EYA2: variants seen among roughly 807,000 people sequenced by gnomAD.
EYA2 encodes EYA transcriptional coactivator and phosphatase 2.
EYA2 carries 31 observed loss-of-function variants against 69.2 expected under a neutral mutation model. That is an observed-to-expected ratio of 0.45 (90% CI 0.34 to 0.60). The LOEUF (loss-of-function observed/expected upper bound fraction) is 0.60. EYA2 is among the 20% of genes least tolerant of loss of function. The pLI, the probability that EYA2 is intolerant of heterozygous loss-of-function variation, is 0.02. For missense variants in EYA2, 622 were observed against 701.2 expected (o/e 0.89, Z 1.28); for synonymous variants, 257 against 279.4 (o/e 0.92, Z 0.80).
At chr20:46,952,634 G>T (rs113122372) in intron 1 of EYA2, among the ~76,000 whole-genome samples, 6 of 152,118 alleles carry the variant, frequency 3.9e-5, no homozygotes, top group Non-Finnish European at 8.8e-5. Flanking sequence ...TCCAGAGGCC[G>T]CACACAATGG....
rs146937074 is a variant in EYA2, at chr20:47,030,842, G to T, written c.415+14545G>T. ...GTGCAATCGTAGTCACTATAACCTC[G>T]AATGCCTGGACTCAAGCGATCCTCT... On this transcript the variant is annotated intron_variant, in intron 5 of 15. Coordinates refer to ENST00000327619, the MANE Select transcript of EYA2 (RefSeq NM_005244.5). Among the ~76,000 whole-genome samples the T allele has an allele frequency of 3.3e-4, 50 of 152,254 alleles. No individual in the cohort carries two copies. The East Asian group carries it at 9.1e-3, about 28-fold the overall frequency.
chr20:46,935,881 G>A (rs1985887364), intron 1 of EYA2, among the ~76,000 whole-genome samples: 1 of 151,796 alleles, frequency 6.6e-6, no homozygotes, highest in African/African-American at 2.4e-5. Flanking sequence ...TTATTATTCG[G>A]TAGTAGTAGT....
chr20:46,978,510 G>C (rs369323703), intron 1 of EYA2: 6 of 524,908 alleles, frequency 1.1e-5, no homozygotes, highest in African/African-American at 5.8e-5. Context: ...AGTGTGGAGC[G>C]AGAGAAAGGC....
intron 3 of EYA2, among the ~76,000 whole-genome samples, chr20:47,002,825 G>C (rs1407915634): frequency 1.3e-5 from 2 of 151,704 alleles, no homozygotes; most frequent in Non-Finnish European, 2.9e-5. Context: ...TCCAGGACTG[G>C]GGCTGACATC....
At chr20:47,068,688 A>G (rs1262151257) in intron 5 of EYA2, among the ~76,000 whole-genome samples, 1 of 152,150 alleles carries the variant, frequency 6.6e-6, no homozygotes, top group African/African-American at 2.4e-5. Flanking sequence ...TTGAGATCCT[A>G]TGGTTCTGAT....
At chr20:46,915,556 C>G (rs1188397118) in intron 1 of EYA2, among the ~76,000 whole-genome samples, 4 of 152,194 alleles carry the variant, frequency 2.6e-5, no homozygotes, top group Non-Finnish European at 5.9e-5. Context: ...TGATTCCAGG[C>G]CCACTTTCTT....
At chr20:46,915,407 G>A (rs1460247768) in intron 1 of EYA2, among the ~76,000 whole-genome samples, 1 of 152,186 alleles carries the variant, frequency 6.6e-6, no homozygotes, top group African/African-American at 2.4e-5. Flanking sequence ...TTTTCAGAGA[G>A]GCCTGGGTGG....
At chr20:47,049,175 A>G (rs2030194531) in intron 5 of EYA2, among the ~76,000 whole-genome samples, 1 of 98,114 alleles carries the variant, frequency 1.0e-5, no homozygotes, top group East Asian at 3.0e-4. Flanking sequence ...ACTTACAGAA[A>G]AGTTGCAAAG....
chr20:46,920,487 G>A (rs1985132296), intron 1 of EYA2, among the ~76,000 whole-genome samples: 1 of 152,062 alleles, frequency 6.6e-6, no homozygotes, highest in African/African-American at 2.4e-5. Flanking sequence ...AATCAAAATG[G>A]CAGCCTCCTT....
chr20:47,054,469 A>G (rs1204520759), intron 5 of EYA2, among the ~76,000 whole-genome samples: 2 of 152,196 alleles, frequency 1.3e-5, no homozygotes, highest in East Asian at 3.8e-4. Flanking sequence ...TCAGCACTGA[A>G]TGTCTACCCT....
intron 1 of EYA2, among the ~76,000 whole-genome samples, chr20:46,989,317 G>C (rs1014335661): frequency 3.3e-5 from 5 of 152,144 alleles, no homozygotes; most frequent in African/African-American, 1.2e-4. Context: ...CGAGGCTGGA[G>C]TGCAGTGGCG....
intron 3 of EYA2, among the ~76,000 whole-genome samples, chr20:47,003,212 G>C (rs1319993361): frequency 1.3e-5 from 2 of 152,310 alleles, no homozygotes; most frequent in Non-Finnish European, 2.9e-5. Flanking sequence ...TATGCTTGTG[G>C]CGTGTTATTA....
At chr20:47,142,155 A>T (rs1218789905) in intron 9 of EYA2, among the ~76,000 whole-genome samples, 4 of 152,300 alleles carry the variant, frequency 2.6e-5, no homozygotes, top group Middle Eastern at 3.4e-3. Flanking sequence ...CTGATTTTCT[A>T]AAAAAATGTA....
intron 10 of EYA2, among the ~76,000 whole-genome samples, chr20:47,167,629 T>C (rs1037571567): frequency 6.6e-6 from 1 of 152,000 alleles, no homozygotes; most frequent in Non-Finnish European, 1.5e-5. Flanking sequence ...TGGCCACTTG[T>C]GTATGTTGAC....
intron 5 of EYA2, among the ~76,000 whole-genome samples, chr20:47,053,338 G>A (rs1456734076): frequency 6.6e-6 from 1 of 152,172 alleles, no homozygotes; most frequent in Non-Finnish European, 1.5e-5. Context: ...ATCTGTTTAT[G>A]TGCTGAAGGT....
intron 1 of EYA2, among the ~76,000 whole-genome samples, chr20:46,947,467 G>T (rs1359767315): frequency 6.6e-6 from 1 of 152,114 alleles, no homozygotes; most frequent in African/African-American, 2.4e-5. Context: ...AAAGTTTTAA[G>T]AAACAATGCT....
chr20:46,999,369 C>A (rs544118903), intron 2 of EYA2, among the ~76,000 whole-genome samples: 6 of 152,214 alleles, frequency 3.9e-5, no homozygotes, highest in East Asian at 1.9e-4. Flanking sequence ...TAGGAGCAAA[C>A]CCAGGGTAGG....
chr20:47,148,058 CAAAA>C (rs1264883844), intron 10 of EYA2, among the ~76,000 whole-genome samples: 4 of 82,832 alleles, frequency 4.8e-5, no homozygotes, highest in Admixed American at 1.3e-4. Context: ...GACTCTGTCT[CAAAA>C]AAAAAAAAAA....
At chr20:46,923,149 C>G (rs1985254843) in intron 1 of EYA2, among the ~76,000 whole-genome samples, 1 of 152,174 alleles carries the variant, frequency 6.6e-6, no homozygotes, top group Non-Finnish European at 1.5e-5. Context: ...GGGCGGATCA[C>G]TTGAGGCCAG....
Sources: allele counts gnomAD v4.1 joint callset (sites outside exome capture counted in the v4.1 genomes callset), GRCh38; gene constraint gnomAD v4.1.1; transcripts MANE v1.5; gene names NCBI Gene and HGNC (gene_info 2026-07-23, HGNC 2026-07-21).